Variants in TRANK1 observed in about 807,000 individuals in gnomAD.
TRANK1 encodes the protein tetratricopeptide repeat and ankyrin repeat containing 1.
In TRANK1, 198 loss-of-function variants were observed where a neutral mutation model predicts 266.0. The ratio of observed to expected loss-of-function variants is 0.74; its 90% CI spans 0.66 to 0.84. TRANK1 has a LOEUF of 0.84. Among genes scored for constraint, TRANK1 ranks in the 40% least tolerant of loss-of-function variants. The pLI, the probability that TRANK1 is intolerant of heterozygous loss-of-function variation, is 0.00. For synonymous variants in TRANK1, 1,396 were observed against 1,384.1 expected (o/e 1.01, Z -0.19); for missense variants, 3,326 against 3,634.6 (o/e 0.92, Z 2.18).
At chr3:36,862,948 TC>T (rs1274300231) in intron 10 of TRANK1, among the ~76,000 whole-genome samples, 1 of 152,044 alleles carries the variant, frequency 6.6e-6, no homozygotes, top group East Asian at 1.9e-4. Context: ...TTCGAGTCTG[TC>T]ATTTTCAATA....
At chr3:36,919,534 A>G (rs985894325) in intron 1 of TRANK1, among the ~76,000 whole-genome samples, 9 of 152,198 alleles carry the variant, frequency 5.9e-5, no homozygotes, top group African/African-American at 1.2e-4. Context: ...GTTGATGGGC[A>G]TTTGAATTGT....
intron 1 of TRANK1, chr3:36,929,484 A>G (rs1467115501): frequency 6.6e-6 from 1 of 152,246 alleles, no homozygotes; most frequent in African/African-American, 2.4e-5. Context: ...AACAAAGTAG[A>G]ATATCCAGCA....
At chr3:36,914,532 T>C (rs1288086056) in intron 1 of TRANK1, among the ~76,000 whole-genome samples, 1 of 151,872 alleles carries the variant, frequency 6.6e-6, no homozygotes, top group African/African-American at 2.4e-5. Context: ...GTTCAATTCA[T>C]TTAACAAAAT....
chr3:36,939,052 G>A (rs544662944), intron 1 of TRANK1, among the ~76,000 whole-genome samples: 2 of 151,876 alleles, frequency 1.3e-5, no homozygotes, highest in Non-Finnish European at 2.9e-5. Flanking sequence ...CAGGAGAATC[G>A]CTGGAACCCA....
chr3:36,922,142 T>A (rs954514473), intron 1 of TRANK1, among the ~76,000 whole-genome samples: 1 of 151,794 alleles, frequency 6.6e-6, no homozygotes, highest in Non-Finnish European at 1.5e-5. Flanking sequence ...TGAAACCCCA[T>A]CTCAATAAAA....
intron 9 of TRANK1, among the ~76,000 whole-genome samples, chr3:36,866,050 GAAAA>G (rs749003050): frequency 4.4e-5 from 4 of 89,946 alleles, no homozygotes; most frequent in Non-Finnish European, 9.9e-5. Flanking sequence ...CAGACAGAAA[GAAAA>G]AGAAAGAAAG....
intron 9 of TRANK1, among the ~76,000 whole-genome samples, chr3:36,869,677 C>T (rs909233196): frequency 1.3e-5 from 2 of 152,224 alleles, no homozygotes; most frequent in African/African-American, 4.8e-5. Context: ...GTCTCTTCAA[C>T]TACTTTCTGG....
chr3:36,860,561 A>G (rs1459864005), intron 11 of TRANK1, among the ~76,000 whole-genome samples: 1 of 152,240 alleles, frequency 6.6e-6, no homozygotes, highest in Non-Finnish European at 1.5e-5. Flanking sequence ...ACTGCAAGTC[A>G]AAGTCTAGCC....
chr3:36,886,042 A>G (rs1421581663), intron 8 of TRANK1, among the ~76,000 whole-genome samples: 1 of 151,966 alleles, frequency 6.6e-6, no homozygotes, highest in African/African-American at 2.4e-5. Flanking sequence ...AGAGTTGAGA[A>G]GCCTCATTCG....
chr3:36,828,578 A>G (rs1190646467), intron 23 of TRANK1, among the ~76,000 whole-genome samples: 9 of 152,300 alleles, frequency 5.9e-5, no homozygotes, highest in South Asian at 2.1e-4. Flanking sequence ...ATTGGTTTAA[A>G]TTAATGAAAT....
rs759817542 is a variant in TRANK1 at position 36,892,972 on chromosome 3, G to T, written c.565C>A (p.Leu189Met). ...GGTAATCGGTCTTTTTTTGCTGACAGAAGCAGAAATGACTGGTGGGAGAAG... is the reference window on the plus strand; with the variant it reads ...GGTAATCGGTCTTTTTTTGCTGACATAAGCAGAAATGACTGGTGGGAGAAG... ...KKGLWHSFLL[L>M]SAKKDRLPRN... The change falls in exon 6 of 24, where the codon CTG (leucine) becomes ATG (methionine). Residue 189 changes from leucine to methionine, a missense_variant. Leu to Met is a conservative substitution (Grantham distance 15). Transcript: ENST00000645898. The T allele has an allele frequency of 6.6e-7, 1 of 1,507,566 alleles. No individual in the cohort carries two copies. The highest frequency in any genetic ancestry group is 1.3e-5 in the South Asian group (1 of 79,094). 93.4% of individuals were successfully genotyped at this position (1,507,566 alleles called of 1,614,324 possible). A position where few individuals can be genotyped will look rare whatever the true frequency, so the allele number is the denominator to read the frequency against.
At chr3:36,891,675 C>T (rs1559456785) in intron 7 of TRANK1, among the ~76,000 whole-genome samples, 1 of 152,150 alleles carries the variant, frequency 6.6e-6, no homozygotes, top group Non-Finnish European at 1.5e-5. Flanking sequence ...AACCAGATGG[C>T]AAAGCTTAAA....
In TRANK1 at chr3:36,879,794, A is replaced by ATAAGTATACAAATATATG. The variant is rs2079468824; in HGVS notation, c.908-5499_908-5498insCATATATTTGTATACTTA. 4.2e-5 allele frequency among the ~76,000 whole-genome samples: 2 copies of ATAAGTATACAAATATATG among 47,082 alleles called. 1 individual carries two copies. The highest frequency in any genetic ancestry group is 5.8e-4 in the Admixed American group (2 of 3,438). The allele number at this position is 47,082 out of a possible 152,430, so 30.9% of individuals were successfully genotyped here. On this transcript the variant is annotated intron_variant, in intron 8 of 23. Coordinates refer to ENST00000645898, the MANE Select transcript of TRANK1 (RefSeq NM_001329998.2). ...TAAATATATATAAATATGTAAATAT[A>ATAAGTATACAAATATATG]TAAATATACAAATATATGTAAATAT...
chr3:36,883,729 C>A (rs1368444876), intron 8 of TRANK1, among the ~76,000 whole-genome samples: 3 of 152,168 alleles, frequency 2.0e-5, no homozygotes, highest in Non-Finnish European at 4.4e-5. Context: ...TTAAGCCTAT[C>A]TTTTGTAAAG....
At chr3:36,885,910 C>G (rs2079596383) in intron 8 of TRANK1, among the ~76,000 whole-genome samples, 1 of 152,032 alleles carries the variant, frequency 6.6e-6, no homozygotes, top group African/African-American at 2.4e-5. Context: ...ATCTCTGAAC[C>G]ATTTTTGTAA....
intron 7 of TRANK1, 119 bp downstream of exon 7, chr3:36,892,083 T>C (rs1467706085): frequency 5.8e-6 from 7 of 1,216,146 alleles, no homozygotes; most frequent in Non-Finnish European, 6.6e-6. Context: ...TCAGATCATT[T>C]GAATATTCAA....
At chr3:36,881,278 C>T (rs1433812720) in intron 8 of TRANK1, among the ~76,000 whole-genome samples, 2 of 151,976 alleles carry the variant, frequency 1.3e-5, no homozygotes, top group African/African-American at 2.4e-5. Context: ...ATGGTAAAAC[C>T]CCATCTCTAC....
At chr3:36,892,872 G>GATAT in intron 6 of TRANK1, 29 bp downstream of exon 6, 1 of 597,694 alleles carries the variant, frequency 1.7e-6, no homozygotes, top group Non-Finnish European at 2.3e-6. Flanking sequence ...TATATATATA[G>GATAT]ATATATATAG....
chr3:36,849,897 G>T, intron 15 of TRANK1: 1 of 449,078 alleles, frequency 2.2e-6, no homozygotes, highest in Non-Finnish European at 2.9e-6. Flanking sequence ...ACAGGATGAA[G>T]TGGATGTTTA....
Sources: allele counts gnomAD v4.1 joint callset (sites outside exome capture counted in the v4.1 genomes callset), GRCh38; gene constraint gnomAD v4.1.1; transcripts MANE v1.5; gene names NCBI Gene and HGNC (gene_info 2026-07-23, HGNC 2026-07-21).